LINGO1: variants seen among roughly 807,000 people sequenced by gnomAD.
LINGO1 encodes leucine rich repeat and Ig domain containing 1.
Under a neutral mutation model 37.3 loss-of-function variants are expected in LINGO1, and 11 were observed. The ratio of observed to expected loss-of-function variants is 0.29; its 90% CI spans 0.19 to 0.49. The LOEUF is 0.49. Among genes scored for constraint, LINGO1 ranks in the 20% least tolerant of loss-of-function variants. The pLI, the probability that LINGO1 is intolerant of heterozygous loss-of-function variation, is 0.99. For synonymous variants in LINGO1, 387 were observed against 403.0 expected (o/e 0.96, Z 0.48); for missense variants, 585 against 878.2 (o/e 0.67, Z 4.22).
chr15:77,633,980 G>A (rs2074342343), upstream of LINGO1, among the ~76,000 whole-genome samples: 2 of 152,062 alleles, frequency 1.3e-5, no homozygotes. Context: ...TGCTGACACC[G>A]CCCGGCACGG....
chr15:77,810,473 C>A (rs1030482532), intron 1 of LINGO1, among the ~76,000 whole-genome samples: 1 of 152,198 alleles, frequency 6.6e-6, no homozygotes, highest in African/African-American at 2.4e-5. Flanking sequence ...GCTGATCCAG[C>A]CTCCCGGCTC....
At chr15:77,618,099 G>A (rs1007239818) in intron 1 of LINGO1, among the ~76,000 whole-genome samples, 2 of 152,236 alleles carry the variant, frequency 1.3e-5, no homozygotes, top group African/African-American at 4.8e-5. Context: ...GGGCTGGCGC[G>A]GGTGTGAGGC....
intron 2 of LINGO1, among the ~76,000 whole-genome samples, chr15:77,716,105 T>C (rs992923985): frequency 3.3e-5 from 5 of 152,174 alleles, no homozygotes; most frequent in African/African-American, 1.2e-4. Flanking sequence ...CTTATCTCTA[T>C]TTTATAGAAG....
intron 1 of LINGO1, among the ~76,000 whole-genome samples, chr15:77,757,340 C>G (rs1029625545): frequency 4.6e-5 from 7 of 152,232 alleles, no homozygotes; most frequent in Non-Finnish European, 1.0e-4. Context: ...CTGGGCTTGT[C>G]AGGCACTGAC....
upstream of LINGO1, chr15:77,634,158 G>C: frequency 2.3e-6 from 1 of 433,180 alleles, no homozygotes; most frequent in East Asian, 7.1e-5. Flanking sequence ...CTCCCAGGAA[G>C]CCTGCGCAAC....
intron 2 of LINGO1, among the ~76,000 whole-genome samples, chr15:77,723,024 C>T (rs1219841065): frequency 2.6e-5 from 4 of 152,192 alleles, no homozygotes; most frequent in Non-Finnish European, 5.9e-5. Context: ...GACCAGCACA[C>T]TTGCAGGCTC....
intron 3 of LINGO1, chr15:77,646,616 G>A (rs1237305773): frequency 3.2e-6 from 1 of 311,430 alleles, no homozygotes; most frequent in African/African-American, 2.2e-5. Flanking sequence ...GGGCAGATGT[G>A]GCAGAGCATA....
intron 2 of LINGO1, among the ~76,000 whole-genome samples, chr15:77,682,277 A>AGTGT (rs10581838): frequency 0.036 from 5,028 of 139,878 alleles, 135 homozygotes; most frequent in East Asian, 0.09. Context: ...TAGAGATTAA[A>AGTGT]GTGTGTGTGT....
At chr15:77,629,383 C>T (rs775448129) in intron 1 of LINGO1, among the ~76,000 whole-genome samples, 2 of 152,020 alleles carry the variant, frequency 1.3e-5, no homozygotes, top group Non-Finnish European at 2.9e-5. Flanking sequence ...AATGAACCTG[C>T]CTTCTCACAC....
At chr15:77,690,285 G>A (rs1567524232) in intron 2 of LINGO1, among the ~76,000 whole-genome samples, 2 of 152,208 alleles carry the variant, frequency 1.3e-5, no homozygotes, top group Admixed American at 1.3e-4. Flanking sequence ...TCAACTCGAG[G>A]ACTTTCGTTT....
intron 2 of LINGO1, among the ~76,000 whole-genome samples, chr15:77,680,335 G>A (rs1008220899): frequency 1.3e-5 from 2 of 152,218 alleles, no homozygotes; most frequent in Non-Finnish European, 2.9e-5. Context: ...AGTTCAGAGA[G>A]TACCGGTTAG....
intron 2 of LINGO1, among the ~76,000 whole-genome samples, chr15:77,730,376 G>T (rs1237032785): frequency 6.6e-6 from 1 of 152,148 alleles, no homozygotes. Context: ...ACATGTCTAA[G>T]ACCACACAGC....
chr15:77,790,233 C>A (rs754319151), upstream of LINGO1, among the ~76,000 whole-genome samples: 7 of 152,220 alleles, frequency 4.6e-5, no homozygotes, highest in Non-Finnish European at 1.0e-4. Flanking sequence ...CATTGGGACA[C>A]TGGACACACC....
chr15:77,679,727 G>A (rs2075383327), intron 2 of LINGO1, among the ~76,000 whole-genome samples: 1 of 152,198 alleles, frequency 6.6e-6, no homozygotes, highest in Admixed American at 6.5e-5. Flanking sequence ...AACACCCATG[G>A]AGGATCCATT....
chr15:77,645,024 G>A (rs2074593922), intron 3 of LINGO1, among the ~76,000 whole-genome samples: 1 of 152,188 alleles, frequency 6.6e-6, no homozygotes, highest in African/African-American at 2.4e-5. Context: ...CCACCTGCTG[G>A]GGCGTGAAAA....
rs375136483 is a variant in LINGO1, at chr15:77,813,731, G to GA, written c.-458+6526dup. Among the ~76,000 whole-genome samples, 58 of 152,330 alleles carry GA rather than the reference G, an allele frequency of 3.8e-4. No individual in the cohort carries two copies. The East Asian group carries it at 0.011, about 28-fold the overall frequency. ...TGTTTTTATAATGCCCTGCCATGTA[G>GA]AAAAATACGTATTAGAGCCTCAAAA... On this transcript the variant is annotated intron_variant, in intron 1 of 5. Coordinates refer to the LINGO1 transcript ENST00000562933.
At chr15:77,648,342 G>A (rs545608188) in intron 3 of LINGO1, 2 of 161,310 alleles carry the variant, frequency 1.2e-5, no homozygotes, top group African/African-American at 4.8e-5. Flanking sequence ...CAAGTCACTA[G>A]CCCAGCTACT....
chr15:77,705,564 G>GC (rs2075842585), intron 2 of LINGO1, among the ~76,000 whole-genome samples: 1 of 152,210 alleles, frequency 6.6e-6, no homozygotes. Context: ...ACAGGCAAGT[G>GC]CCAAGCACCC....
chr15:77,777,461 ACACG>A lies in LINGO1; in HGVS notation c.-257+9404_-257+9407del, dbSNP rs1230196525. ...TGAAACAGATTTTGGACATATACAC[ACACG>A]CACACACACACACACACACACACAC... On this transcript the variant is annotated intron_variant, in intron 1 of 3. Coordinates refer to the LINGO1 transcript ENST00000561686. Among the ~76,000 whole-genome samples the A allele has an allele frequency of 1.7e-3, 197 of 113,054 alleles. 1 individual carries two copies. The highest frequency in any genetic ancestry group is 4.0e-3 in the Middle Eastern group (1 of 248). The allele number at this position is 113,054 out of a possible 152,430, so 74.2% of individuals were successfully genotyped here.
Sources: allele counts gnomAD v4.1 joint callset (sites outside exome capture counted in the v4.1 genomes callset), GRCh38; gene constraint gnomAD v4.1.1; transcripts MANE v1.5; gene names NCBI Gene and HGNC (gene_info 2026-07-23, HGNC 2026-07-21).